CACNA1D: variants seen among roughly 807,000 people sequenced by gnomAD.
The protein encoded by CACNA1D is voltage-dependent L-type calcium channel subunit alpha-1D.
In CACNA1D, 55 loss-of-function variants were observed where a neutral mutation model predicts 257.1. The ratio of observed to expected loss-of-function variants is 0.21; its 90% confidence interval spans 0.17 to 0.27. The LOEUF is 0.27. Among genes scored for constraint, CACNA1D ranks in the 10% least tolerant of loss-of-function variants. The pLI is 1.00. For missense variants in CACNA1D, 1,876 were observed against 2,784.0 expected (o/e 0.67, Z 7.34); for synonymous variants, 980 against 1,014.9 (o/e 0.97, Z 0.65).
At chr3:53,782,596 G>A (rs919155939) in intron 39 of CACNA1D, 1 of 152,234 alleles carries the variant, frequency 6.6e-6, no homozygotes, top group Non-Finnish European at 1.5e-5. Flanking sequence ...AAGGTGATGA[G>A]CTCTGGCTCT....
At chr3:53,575,293 G>C (rs1259945281) in intron 3 of CACNA1D, among the ~76,000 whole-genome samples, 1 of 152,290 alleles carries the variant, frequency 6.6e-6, no homozygotes, top group South Asian at 2.1e-4. Context: ...TCAGGGGAGA[G>C]TTCAGAGAGG....
At chr3:53,748,996 G>A (rs2095199485) in intron 26 of CACNA1D, 2 of 574,022 alleles carry the variant, frequency 3.5e-6, no homozygotes, top group East Asian at 3.2e-5. Context: ...GAATAGAAAG[G>A]AGTGTTTTAG....
chr3:53,810,544 G>C, intron 47 of CACNA1D: 2 of 539,394 alleles, frequency 3.7e-6, no homozygotes, highest in Non-Finnish European at 6.7e-6. Context: ...ATCACCTGAG[G>C]TCAGCGGCTC....
At chr3:53,622,149 C>T (rs2093703744) in intron 3 of CACNA1D, among the ~76,000 whole-genome samples, 1 of 151,948 alleles carries the variant, frequency 6.6e-6, no homozygotes, top group Non-Finnish European at 1.5e-5. Context: ...CTCCTGGGTT[C>T]AGGTGAATCT....
chr3:53,639,523 A>C lies in CACNA1D; in HGVS notation c.484-11256A>C, dbSNP rs567121262. On this transcript the variant is annotated intron_variant, in intron 3 of 47. Transcript: ENST00000350061. Reference sequence around the variant, plus strand: ...TGTGTCAGCCTCCTGAGTAGATGGGACTACAGGTGCATGCCACCATGCCCA... The same window carrying C: ...TGTGTCAGCCTCCTGAGTAGATGGGCCTACAGGTGCATGCCACCATGCCCA... 1.8e-4 allele frequency among the ~76,000 whole-genome samples: 27 copies of C among 151,962 alleles called. No individual in the cohort carries two copies. The South Asian group carries it at 4.8e-3, about 27-fold the overall frequency.
At chr3:53,717,637 T>A (rs1396019996) in intron 9 of CACNA1D, among the ~76,000 whole-genome samples, 2 of 152,212 alleles carry the variant, frequency 1.3e-5, no homozygotes, top group African/African-American at 4.8e-5. Context: ...GATAATGATC[T>A]TCTTCTTCCA....
At chr3:53,740,459 C>T in intron 21 of CACNA1D, 120 bp downstream of exon 21, 1 of 754,580 alleles carries the variant, frequency 1.3e-6, no homozygotes, top group East Asian at 2.5e-5. Context: ...GGTACTTTTG[C>T]ATTTGAGATC....
At chr3:53,746,797 A>T (rs1317479783) in intron 25 of CACNA1D, among the ~76,000 whole-genome samples, 1 of 152,248 alleles carries the variant, frequency 6.6e-6, no homozygotes, top group African/African-American at 2.4e-5. Context: ...CCTTCCAGAA[A>T]TGAAGTTCTG....
chr3:53,617,828 G>A (rs980752501), intron 3 of CACNA1D, among the ~76,000 whole-genome samples: 1 of 152,200 alleles, frequency 6.6e-6, no homozygotes, highest in Non-Finnish European at 1.5e-5. Flanking sequence ...AATGTACTGG[G>A]GGAGATGGAA....
chr3:53,535,704 A>G (rs1198460201), intron 3 of CACNA1D, among the ~76,000 whole-genome samples: 2 of 152,252 alleles, frequency 1.3e-5, no homozygotes, highest in Non-Finnish European at 2.9e-5. Context: ...TTTATCAGCC[A>G]TAAAACTGAG....
Position 53,495,251 on chromosome 3 carries a change from G to A in CACNA1D, c.67+18G>A, listed in dbSNP as rs201599838. On this transcript the variant is annotated intron_variant, in intron 1 of 47. Transcript: ENST00000350061. The surrounding 1 kb of genome is among the most constrained non-coding windows in gnomAD (Gnocchi z 5.1). ...CGCGAACGGTGAGCAGCCAGAGCCC[G>A]GGCACCCGCTGCCAAATCCGATCCT... The A allele has an allele frequency of 2.3e-4, 364 of 1,613,204 alleles. No homozygotes were observed. The highest frequency in any genetic ancestry group is 2.9e-4 in the Non-Finnish European group (342 of 1,179,940).
At chr3:53,702,499 T>C in intron 8 of CACNA1D, 142 bp from the exon 9 acceptor site, 1 of 768,390 alleles carries the variant, frequency 1.3e-6, no homozygotes, top group East Asian at 2.5e-5. Context: ...TGTCCAAGTG[T>C]GTGGCTCCAT....
chr3:53,768,127 A>T (rs2095345322), intron 30 of CACNA1D, among the ~76,000 whole-genome samples: 2 of 152,222 alleles, frequency 1.3e-5, no homozygotes, highest in South Asian at 4.1e-4. Context: ...ACAAACTCTA[A>T]GGAAGGGGGC....
chr3:53,576,180 C>T (rs537966749), intron 3 of CACNA1D, among the ~76,000 whole-genome samples: 19 of 152,236 alleles, frequency 1.2e-4, no homozygotes, highest in Non-Finnish European at 2.1e-4. Context: ...AACTGGGAAA[C>T]GTTACCGTCT....
intron 3 of CACNA1D, among the ~76,000 whole-genome samples, chr3:53,563,791 T>A (rs575532424): frequency 3.9e-5 from 6 of 152,286 alleles, no homozygotes; most frequent in East Asian, 1.9e-4. Flanking sequence ...TGGTGGACAT[T>A]TGTGATGTTT....
rs558188728 is a variant in CACNA1D at position 53,793,813 on chromosome 3, C to T, written c.4924-6436C>T. 9.6e-4 allele frequency among the ~76,000 whole-genome samples: 147 copies of T among 152,342 alleles called. No homozygotes were observed. Among genetic ancestry groups the T allele is most frequent in the Middle Eastern group, 6.8e-3 (2 of 294 alleles). On this transcript the variant is annotated intron_variant, in intron 40 of 47. Coordinates refer to ENST00000350061, the MANE Select transcript of CACNA1D (RefSeq NM_001128840.3). The surrounding 1 kb of genome is among the most constrained non-coding windows in gnomAD (Gnocchi z 4.1). ...AGTCAAACTGCAGAGACACCGCTGTCGTTTCTCTTAAAGCCTTGGCAGAGA... is the reference window on the plus strand; with the variant it reads ...AGTCAAACTGCAGAGACACCGCTGTTGTTTCTCTTAAAGCCTTGGCAGAGA...
intron 3 of CACNA1D, among the ~76,000 whole-genome samples, chr3:53,558,648 T>C (rs1323164770): frequency 6.6e-6 from 1 of 152,198 alleles, no homozygotes; most frequent in Non-Finnish European, 1.5e-5. Flanking sequence ...GGATTATAGA[T>C]TGACAGCTCT....
In CACNA1D at chr3:53,774,360, C is replaced by G. The variant is rs73094006; in HGVS notation, c.4111-227C>G. ...CTTTGTGTCTCCCCCAGGGGAGATC[C>G]GCGAATGTGAGACCGTGCCCCTCTG... On this transcript the variant is annotated intron_variant, in intron 33 of 47. Transcript: ENST00000350061. The surrounding 1 kb of genome is among the most constrained non-coding windows in gnomAD (Gnocchi z 4.3). 1,545 of 526,522 alleles carry G rather than the reference C, an allele frequency of 2.9e-3. 4 individuals are homozygous for G. Among genetic ancestry groups the G allele is most frequent in the Non-Finnish European group, 3.7e-3 (1,066 of 291,266 alleles). 32.6% of individuals were successfully genotyped at this position (526,522 alleles called of 1,614,324 possible).
intron 5 of CACNA1D, among the ~76,000 whole-genome samples, chr3:53,661,127 T>C (rs2094199773): frequency 6.6e-6 from 1 of 152,232 alleles, no homozygotes; most frequent in Non-Finnish European, 1.5e-5. Context: ...GACTCCTGTG[T>C]TGGGGACTTC....
Sources: gnomAD v4.1 joint callset for allele counts (sites outside exome capture counted in the v4.1 genomes callset) on GRCh38, gnomAD v4.1.1 for gene constraint, Gnocchi (gnomAD v3.1) non-coding constraint, MANE v1.5 for transcripts, NCBI Gene and HGNC (gene_info 2026-07-23, HGNC 2026-07-21) for gene names.